OR51B5: variants seen among roughly 807,000 people sequenced by gnomAD.
The protein encoded by OR51B5 is olfactory receptor 51B5.
For missense variants in OR51B5, 456 were observed against 374.6 expected (o/e 1.22, Z -1.79); for synonymous variants, 186 against 144.8 (o/e 1.28, Z -2.04).
At chr11:5,496,062 A>G (rs1310040031) in intron 1 of OR51B5, among the ~76,000 whole-genome samples, 1 of 151,940 alleles carries the variant, frequency 6.6e-6, no homozygotes, top group Non-Finnish European at 1.5e-5. Flanking sequence ...TTCCTGCCAC[A>G]AGTTCCTCTT....
chr11:5,432,263 C>T (rs1850545082), intron 1 of OR51B5, among the ~76,000 whole-genome samples: 1 of 152,088 alleles, frequency 6.6e-6, no homozygotes, highest in Non-Finnish European at 1.5e-5. Flanking sequence ...TGAGCAGGAA[C>T]ATGCAATATT....
At chr11:5,405,832 A>G (rs1432602367) in intron 1 of OR51B5, among the ~76,000 whole-genome samples, 1 of 152,166 alleles carries the variant, frequency 6.6e-6, no homozygotes, top group African/African-American at 2.4e-5. Flanking sequence ...GGGGATCTGC[A>G]GTTGTCTATA....
chr11:5,389,468 T>C, intron 1 of OR51B5: 1 of 1,614,018 alleles, frequency 6.2e-7, no homozygotes, highest in Non-Finnish European at 8.5e-7. Flanking sequence ...TAGCCCCATA[T>C]TCTATCTCAC....
chr11:5,380,948 A>G (rs1425132878), intron 1 of OR51B5, among the ~76,000 whole-genome samples: 5 of 152,118 alleles, frequency 3.3e-5, no homozygotes, highest in Admixed American at 6.6e-5. Context: ...TGGTGGCTAC[A>G]TTGGAAAACC....
At chr11:5,363,510 A>G (rs553507481) in intron 1 of OR51B5, among the ~76,000 whole-genome samples, 9 of 151,990 alleles carry the variant, frequency 5.9e-5, no homozygotes, top group Non-Finnish European at 1.3e-4. Context: ...ACACATCACC[A>G]CCACTCAGCT....
chr11:5,405,528 ACT>A (rs986871211), intron 1 of OR51B5, among the ~76,000 whole-genome samples: 11 of 44,008 alleles, frequency 2.5e-4, no homozygotes, highest in African/African-American at 5.4e-4. Context: ...CTTAGAAAGA[ACT>A]TTTTTTTTTT....
At chr11:5,462,985 G>A (rs1439127524) in intron 1 of OR51B5, among the ~76,000 whole-genome samples, 1 of 152,152 alleles carries the variant, frequency 6.6e-6, no homozygotes, top group Non-Finnish European at 1.5e-5. Context: ...CAGGGAATAG[G>A]AGGACTATTA....
chr11:5,349,827 A>G (rs1849049012), intron 1 of OR51B5, among the ~76,000 whole-genome samples: 1 of 152,082 alleles, frequency 6.6e-6, no homozygotes, highest in Non-Finnish European at 1.5e-5. Flanking sequence ...CCCAGGCTCA[A>G]CGTTACTTTT....
intron 1 of OR51B5, chr11:5,488,806 T>C: frequency 2.5e-6 from 4 of 1,614,026 alleles, no homozygotes; most frequent in Non-Finnish European, 2.5e-6. Flanking sequence ...TGCCATCCCT[T>C]TCTGTGCCAT....
intron 1 of OR51B5, among the ~76,000 whole-genome samples, chr11:5,464,590 T>A (rs1851109369): frequency 6.6e-6 from 1 of 151,886 alleles, no homozygotes; most frequent in East Asian, 1.9e-4. Context: ...TCCAATTTCA[T>A]CCATGTCCCT....
rs529092347 is a variant in OR51B5, at chr11:5,475,848, G to T, written n.84+29721C>A. On this transcript the variant is annotated intron_variant and non_coding_transcript_variant, in intron 1 of 4. Coordinates refer to the OR51B5 transcript ENST00000415970. ...CCTTCCACAAGCTTTTGCAAAATTG[G>T]ATGACACACATGGTAGGGTACATGT... 4.6e-5 allele frequency among the ~76,000 whole-genome samples: 7 copies of T among 152,206 alleles called. No homozygotes were observed. In the South Asian group the frequency reaches 1.5e-3, roughly 32 times the overall value.
chr11:5,366,508 C>G (rs1016987267), intron 1 of OR51B5, among the ~76,000 whole-genome samples: 1 of 151,982 alleles, frequency 6.6e-6, no homozygotes, highest in African/African-American at 2.4e-5. Context: ...ACACAGGAGG[C>G]TGAGGTAGGA....
intron 1 of OR51B5, among the ~76,000 whole-genome samples, chr11:5,503,912 T>C (rs1846334181): frequency 6.6e-6 from 1 of 152,206 alleles, no homozygotes; most frequent in Non-Finnish European, 1.5e-5. Flanking sequence ...TGTCTAATCC[T>C]GGCTGTAATA....
intron 1 of OR51B5, chr11:5,488,617 CTTTG>C (rs1415614746): frequency 2.0e-6 from 2 of 1,008,166 alleles, no homozygotes; most frequent in African/African-American, 1.6e-5. Flanking sequence ...ACAGAAAGAT[CTTTG>C]TTTTACATAA....
intron 1 of OR51B5, among the ~76,000 whole-genome samples, chr11:5,400,175 T>G (rs1334037952): frequency 3.9e-5 from 6 of 152,206 alleles, no homozygotes; most frequent in Non-Finnish European, 8.8e-5. Context: ...CCCTACATTT[T>G]AACATAGCCC....
At chr11:5,404,229 A>G (rs929098111) in intron 1 of OR51B5, among the ~76,000 whole-genome samples, 5 of 152,054 alleles carry the variant, frequency 3.3e-5, no homozygotes, top group Non-Finnish European at 7.4e-5. Context: ...TTGTAAATGC[A>G]CCAATCAGTT....
intron 1 of OR51B5, among the ~76,000 whole-genome samples, chr11:5,495,792 AC>A (rs1188758190): frequency 7.9e-5 from 12 of 152,218 alleles, no homozygotes; most frequent in African/African-American, 2.9e-4. Flanking sequence ...ATATAGAGTG[AC>A]TGAATGGATA....
At chr11:5,369,202 T>C (rs17271552) in intron 1 of OR51B5, among the ~76,000 whole-genome samples, 16,827 of 148,158 alleles carry the variant, frequency 0.11, 1,055 homozygotes, top group South Asian at 0.16. Flanking sequence ...ACATATAACC[T>C]GAGTCCCTAC....
chr11:5,451,016 A>T (rs1001943014), intron 1 of OR51B5, among the ~76,000 whole-genome samples: 1 of 152,242 alleles, frequency 6.6e-6, no homozygotes, highest in African/African-American at 2.4e-5. Flanking sequence ...AACTGTGAGG[A>T]AAGCTCATCT....
Sources: allele counts gnomAD v4.1 joint callset (sites outside exome capture counted in the v4.1 genomes callset), GRCh38; gene constraint gnomAD v4.1.1; transcripts MANE v1.5; gene names NCBI Gene and HGNC (gene_info 2026-07-23, HGNC 2026-07-21).